RIMS1: variants seen among roughly 807,000 people sequenced by gnomAD.
RIMS1 encodes regulating synaptic membrane exocytosis 1, also known as regulating synaptic membrane exocytosis protein 1.
A neutral mutation model predicts 214.1 loss-of-function variants in RIMS1; 83 were observed. That is an observed-to-expected ratio of 0.39 (90% confidence interval 0.32 to 0.47). The LOEUF (loss-of-function observed/expected upper bound fraction) is 0.47. Ranked by LOEUF, RIMS1 falls within the 20% of genes least tolerant of loss-of-function variation. The pLI, the probability that RIMS1 is intolerant of heterozygous loss-of-function variation, is 0.99. For missense variants in RIMS1, 2,050 were observed against 2,161.8 expected, an observed-to-expected ratio of 0.95 and a Z score of 1.03; for synonymous variants, 793 against 786.8, an observed-to-expected ratio of 1.01 and a Z score of -0.13.
intron 1 of RIMS1, among the ~76,000 whole-genome samples, chr6:71,956,373 C>T (rs1353555041): frequency 6.6e-6 from 1 of 151,876 alleles, no homozygotes; most frequent in African/African-American, 2.4e-5. Flanking sequence ...AAACTTACAA[C>T]CAAGAAAAAA....
intron 1 of RIMS1, among the ~76,000 whole-genome samples, chr6:71,959,558 A>T (rs1191083196): frequency 6.6e-6 from 1 of 152,042 alleles, no homozygotes; most frequent in African/African-American, 2.4e-5. Context: ...AATTATCCTT[A>T]CAAATGGCAT....
chr6:72,254,466 A>G (rs2074918090), intron 16 of RIMS1, among the ~76,000 whole-genome samples: 1 of 152,194 alleles, frequency 6.6e-6, no homozygotes, highest in Admixed American at 6.6e-5. Flanking sequence ...GGGATATTCA[A>G]ATAGGAATTA....
intron 12 of RIMS1, among the ~76,000 whole-genome samples, chr6:72,248,889 G>A (rs547740114): frequency 3.3e-5 from 5 of 152,158 alleles, no homozygotes; most frequent in Admixed American, 6.5e-5. Flanking sequence ...TTTATTTTTA[G>A]TATATTGAAT....
chr6:72,177,333 C>A (rs2047851847), intron 4 of RIMS1, among the ~76,000 whole-genome samples: 1 of 152,148 alleles, frequency 6.6e-6, no homozygotes, highest in Non-Finnish European at 1.5e-5. Context: ...CTCACTGAAA[C>A]CTCTGCCTTC....
rs1402890690 is a variant in RIMS1 at position 72,397,937 on chromosome 6, A to AT, written c.4619-311dup. Among the ~76,000 whole-genome samples the AT allele has an allele frequency of 9.2e-5, 14 of 152,180 alleles. No homozygotes were observed. The South Asian group carries it at 2.9e-3, about 31-fold the overall frequency. Reference sequence around the variant, plus strand: ...GTTACAATTTTTTATTATATACTGGATGAAATAAGAGTAAGAAATCTTATT... The same window carrying AT: ...GTTACAATTTTTTATTATATACTGGATTGAAATAAGAGTAAGAAATCTTATT... On this transcript the variant is annotated intron_variant, in intron 31 of 33. Transcript: ENST00000521978.
At chr6:72,202,546 G>T (rs1002287189) in intron 6 of RIMS1, among the ~76,000 whole-genome samples, 1 of 152,112 alleles carries the variant, frequency 6.6e-6, no homozygotes, top group Non-Finnish European at 1.5e-5. Context: ...AGTTACAGTC[G>T]GAGGTAATAG....
intron 2 of RIMS1, among the ~76,000 whole-genome samples, chr6:72,058,796 A>G (rs918804530): frequency 9.9e-5 from 15 of 152,218 alleles, no homozygotes; most frequent in Admixed American, 3.3e-4. Flanking sequence ...GAGAAACACA[A>G]AGTTTCGGGA....
chr6:72,075,417 A>G (rs987421875), intron 2 of RIMS1, among the ~76,000 whole-genome samples: 1 of 150,624 alleles, frequency 6.6e-6, no homozygotes, highest in Non-Finnish European at 1.5e-5. Context: ...CTCTTTAAGT[A>G]TTTTCAGACA....
At chr6:72,123,244 A>G (rs997299001) in intron 4 of RIMS1, among the ~76,000 whole-genome samples, 3 of 151,890 alleles carry the variant, frequency 2.0e-5, no homozygotes, top group African/African-American at 7.2e-5. Flanking sequence ...GTAATCATTC[A>G]GGAGCAGGTT....
chr6:71,941,423 A>G (rs1051203449), intron 1 of RIMS1, among the ~76,000 whole-genome samples: 1 of 152,204 alleles, frequency 6.6e-6, no homozygotes, highest in African/African-American at 2.4e-5. Flanking sequence ...TGTGTTATAA[A>G]TATTGTTCTG....
At chr6:72,311,534 T>C (rs930971455) in intron 27 of RIMS1, among the ~76,000 whole-genome samples, 2 of 152,200 alleles carry the variant, frequency 1.3e-5, no homozygotes, top group African/African-American at 4.8e-5. Flanking sequence ...TCAGTTTAGA[T>C]ATAATAACAT....
At chr6:72,316,735 G>C (rs920840965) in intron 28 of RIMS1, 4 of 657,256 alleles carry the variant, frequency 6.1e-6, no homozygotes, top group Admixed American at 1.9e-5. Flanking sequence ...CAGCCTGGGG[G>C]CCCTCTGGTT....
chr6:72,013,151 C>T (rs1199628439), intron 2 of RIMS1, among the ~76,000 whole-genome samples: 1 of 152,170 alleles, frequency 6.6e-6, no homozygotes, highest in Non-Finnish European at 1.5e-5. Context: ...GTGTGCCAAT[C>T]ACACATATAT....
chr6:72,221,291 AGTGTGT>A (rs71540331), intron 6 of RIMS1, among the ~76,000 whole-genome samples: 8 of 138,624 alleles, frequency 5.8e-5, no homozygotes, highest in East Asian at 4.2e-4. Flanking sequence ...ATCTGGGGTG[AGTGTGT>A]GTGTGTGTGT....
intron 29 of RIMS1, among the ~76,000 whole-genome samples, chr6:72,347,411 C>T (rs549804548): frequency 2.6e-5 from 4 of 151,934 alleles, no homozygotes; most frequent in South Asian, 2.1e-4. Flanking sequence ...CTCAGTCCCC[C>T]TCACTGCAGT....
intron 29 of RIMS1, among the ~76,000 whole-genome samples, chr6:72,337,458 T>C (rs2096880445): frequency 2.0e-5 from 3 of 151,840 alleles, no homozygotes; most frequent in Admixed American, 2.0e-4. Context: ...GTAATATGTC[T>C]ACATTTCTAG....
chr6:72,258,024 C>T (rs762865308), intron 16 of RIMS1, 101 bp from the exon 17 acceptor site: 15 of 1,065,148 alleles, frequency 1.4e-5, no homozygotes, highest in Non-Finnish European at 1.9e-5. Context: ...ATTTATTCTT[C>T]ATAGATCAAT....
chr6:72,234,856 C>T (rs1315469721), intron 7 of RIMS1, among the ~76,000 whole-genome samples: 1 of 152,002 alleles, frequency 6.6e-6, no homozygotes, highest in South Asian at 2.1e-4. Context: ...TTTCACTTAG[C>T]AATATGCATT....
At chr6:72,018,310 A>C (rs1056246215) in intron 2 of RIMS1, among the ~76,000 whole-genome samples, 2 of 152,174 alleles carry the variant, frequency 1.3e-5, no homozygotes, top group African/African-American at 4.8e-5. Flanking sequence ...AGAATAATTA[A>C]GTTTTTTTGG....
Sources: allele counts gnomAD v4.1 joint callset (sites outside exome capture counted in the v4.1 genomes callset), GRCh38; gene constraint gnomAD v4.1.1; transcripts MANE v1.5; gene names NCBI Gene and HGNC (gene_info 2026-07-23, HGNC 2026-07-21).